KCNIP1: variants seen among roughly 807,000 people sequenced by gnomAD.
KCNIP1 encodes potassium voltage-gated channel interacting protein 1.
Under a neutral mutation model 33.0 loss-of-function variants are expected in KCNIP1, and 18 were observed. The ratio of observed to expected loss-of-function variants is 0.55; its 90% CI spans 0.38 to 0.81. The LOEUF is 0.81. Ranked by LOEUF, KCNIP1 falls within the 30% of genes least tolerant of loss-of-function variation. KCNIP1 has a pLI of 0.00. For missense variants in KCNIP1, 238 were observed against 271.6 expected, an observed-to-expected ratio of 0.88 and a Z score of 0.87; for synonymous variants, 93 against 98.3, an observed-to-expected ratio of 0.95 and a Z score of 0.32.
chr5:170,496,931 G>A (rs1306653839), intron 1 of KCNIP1, among the ~76,000 whole-genome samples: 1 of 151,940 alleles, frequency 6.6e-6, no homozygotes, highest in African/African-American at 2.4e-5. Flanking sequence ...TACCCTCCTA[G>A]TCTGATCTAG....
intron 1 of KCNIP1, among the ~76,000 whole-genome samples, chr5:170,601,194 A>G (rs17745927): frequency 0.17 from 26,124 of 152,280 alleles, 2,816 homozygotes; most frequent in East Asian, 0.39. Context: ...TGCCTTTTAA[A>G]TACACCAGCT....
chr5:170,426,076 C>T (rs1418427897), intron 1 of KCNIP1, among the ~76,000 whole-genome samples: 1 of 152,186 alleles, frequency 6.6e-6, no homozygotes, highest in South Asian at 2.1e-4. Context: ...CTTCTCCAGC[C>T]CTTCCAGTGA....
chr5:170,660,172 T>C (rs1440719528), intron 1 of KCNIP1, among the ~76,000 whole-genome samples: 1 of 152,194 alleles, frequency 6.6e-6, no homozygotes, highest in Non-Finnish European at 1.5e-5. Context: ...GTATGAATTA[T>C]AGATATAGTT....
intron 1 of KCNIP1, among the ~76,000 whole-genome samples, chr5:170,652,836 A>C (rs2113726276): frequency 6.6e-6 from 1 of 152,330 alleles, no homozygotes; most frequent in South Asian, 2.1e-4. Flanking sequence ...AAAGATAGGC[A>C]CTGCTGTCCC....
At chr5:170,371,153 G>A (rs992936215) in intron 1 of KCNIP1, among the ~76,000 whole-genome samples, 5 of 152,280 alleles carry the variant, frequency 3.3e-5, no homozygotes, top group African/African-American at 1.2e-4. Flanking sequence ...TTCAAGGATC[G>A]CTGCAACCAT....
chr5:170,491,580 C>T (rs1179247172), intron 1 of KCNIP1, among the ~76,000 whole-genome samples: 1 of 152,150 alleles, frequency 6.6e-6, no homozygotes, highest in Non-Finnish European at 1.5e-5. Context: ...CCAACTTCCT[C>T]CAGATATTTG....
At chr5:170,590,238 C>T (rs940482023) in intron 1 of KCNIP1, among the ~76,000 whole-genome samples, 2 of 152,102 alleles carry the variant, frequency 1.3e-5, no homozygotes, top group African/African-American at 4.8e-5. Flanking sequence ...GGGGTCATTC[C>T]AGAGTATCTG....
chr5:170,510,259 T>C (rs1219386438), intron 1 of KCNIP1, among the ~76,000 whole-genome samples: 1 of 152,238 alleles, frequency 6.6e-6, no homozygotes, highest in Non-Finnish European at 1.5e-5. Flanking sequence ...GTTGTCATTA[T>C]GGGTTTACAC....
At chr5:170,426,970 C>T (rs72836220) in intron 1 of KCNIP1, among the ~76,000 whole-genome samples, 4,108 of 152,274 alleles carry the variant, frequency 0.027, 79 homozygotes, top group African/African-American at 0.059. Flanking sequence ...GGCCGCAGGA[C>T]CAGCTCCACA....
chr5:170,599,398 T>G (rs1758603736), intron 1 of KCNIP1, among the ~76,000 whole-genome samples: 1 of 152,124 alleles, frequency 6.6e-6, no homozygotes, highest in Non-Finnish European at 1.5e-5. Context: ...CATGATGGCA[T>G]CTGATTTAGT....
intron 1 of KCNIP1, among the ~76,000 whole-genome samples, chr5:170,680,287 C>T (rs1402494205): frequency 6.6e-6 from 1 of 152,126 alleles, no homozygotes; most frequent in African/African-American, 2.4e-5. Context: ...GCTGACAATC[C>T]AGTGTACGAA....
At chr5:170,407,486 T>C (rs934539194) in intron 1 of KCNIP1, among the ~76,000 whole-genome samples, 1 of 152,242 alleles carries the variant, frequency 6.6e-6, no homozygotes, top group Non-Finnish European at 1.5e-5. Flanking sequence ...GTTTGAAATT[T>C]TTACCAACAA....
At chr5:170,403,963 A>C (rs564486165) in intron 1 of KCNIP1, among the ~76,000 whole-genome samples, 33 of 152,302 alleles carry the variant, frequency 2.2e-4, no homozygotes, top group African/African-American at 7.7e-4. Flanking sequence ...TTCCCACTTC[A>C]GAGCCTGTGG....
intron 1 of KCNIP1, among the ~76,000 whole-genome samples, chr5:170,461,809 G>A (rs951219792): frequency 2.3e-4 from 35 of 150,072 alleles, no homozygotes; most frequent in Middle Eastern, 3.4e-3. Flanking sequence ...AAATAAACCC[G>A]AACGCTTACA....
intron 1 of KCNIP1, among the ~76,000 whole-genome samples, chr5:170,626,734 A>G (rs1553539): frequency 0.52 from 78,819 of 152,016 alleles, 21,684 homozygotes; most frequent in African/African-American, 0.69. Flanking sequence ...GGCTGGGTGA[A>G]TGCTGCAGTG....
intron 1 of KCNIP1, among the ~76,000 whole-genome samples, chr5:170,449,949 AG>A (rs138444844): frequency 0.024 from 3,642 of 152,238 alleles, 103 homozygotes; most frequent in African/African-American, 0.064. Flanking sequence ...GTTTTGCAAA[AG>A]TTTTGGGAAA....
intron 1 of KCNIP1, among the ~76,000 whole-genome samples, chr5:170,401,971 C>T (rs1328171551): frequency 6.6e-6 from 1 of 152,144 alleles, no homozygotes; most frequent in South Asian, 2.1e-4. Flanking sequence ...CAGGCCCGTG[C>T]TCCCTCCAAA....
At chr5:170,715,947 C>A (rs1293425611) in intron 1 of KCNIP1, among the ~76,000 whole-genome samples, 2 of 152,230 alleles carry the variant, frequency 1.3e-5, no homozygotes, top group African/African-American at 4.8e-5. Context: ...GGGAACAGGG[C>A]CATTCTCCTT....
At chr5:170,540,232 G>T (rs1157663116) in intron 1 of KCNIP1, among the ~76,000 whole-genome samples, 1 of 152,208 alleles carries the variant, frequency 6.6e-6, no homozygotes, top group Non-Finnish European at 1.5e-5. Flanking sequence ...TTTCCTGGGG[G>T]CATGGCTCCC....
Sources: allele counts gnomAD v4.1 joint callset (sites outside exome capture counted in the v4.1 genomes callset), GRCh38; gene constraint gnomAD v4.1.1; transcripts MANE v1.5; gene names NCBI Gene and HGNC (gene_info 2026-07-23, HGNC 2026-07-21).